SINHCAF: variants seen among roughly 807,000 people sequenced by gnomAD.
The protein encoded by SINHCAF is SIN3-HDAC complex-associated factor.
Under a neutral mutation model 25.8 loss-of-function variants are expected in SINHCAF, and 3 were observed. The ratio of observed to expected loss-of-function variants is 0.12; its 90% CI spans 0.05 to 0.30. The LOEUF is 0.30. Ranked by LOEUF, SINHCAF falls within the 10% of genes least tolerant of loss-of-function variation. The pLI is 1.00. For synonymous variants in SINHCAF, 70 were observed against 85.5 expected, an observed-to-expected ratio of 0.82 and a Z score of 1.00; for missense variants, 121 against 262.3, an observed-to-expected ratio of 0.46 and a Z score of 3.72.
At position 31,324,824 on chromosome 12, in the gene SINHCAF, A is replaced by G. The variant is rs1033993012; in HGVS notation, c.-21+1200T>C. 2.9e-5 allele frequency: 11 copies of G among 374,144 alleles called. No homozygotes were observed. Among genetic ancestry groups the G allele is most frequent in the African/African-American group, 2.3e-4 (11 of 47,282 alleles). 23.2% of individuals were successfully genotyped at this position (374,144 alleles called of 1,614,324 possible). On this transcript the variant is annotated intron_variant, in intron 1 of 5. Coordinates refer to ENST00000337682, the MANE Select transcript of SINHCAF (RefSeq NM_001135812.2). This position sits in a 1 kb window ranked among gnomAD's most constrained non-coding sequence, Gnocchi z 5.5. ...CCCTCGGGAGCAGGCCCATTTAATC[A>G]AAGTTTTGCAGTGTCCTTGATGAGA...
chr12:31,280,594 T>C lies in SINHCAF; in HGVS notation c.*2118A>G, dbSNP rs1253905649. On this transcript the variant is annotated 3_prime_UTR_variant, in exon 6 of 6. Coordinates refer to ENST00000337682, the MANE Select transcript of SINHCAF (RefSeq NM_001135812.2). ...CCACAAAACAGCTCCTTTTATTTTC[T>C]AGTAAGACTAGATTTATTCAATACC... is the stretch of plus-strand genomic sequence containing the variant. 1.3e-5 allele frequency: 2 copies of C among 152,624 alleles called. No individual in the cohort carries two copies. The highest frequency in any genetic ancestry group is 1.5e-5 in the Non-Finnish European group (1 of 68,026). The allele number at this position is 152,624 out of a possible 1,614,324, so 9.5% of individuals were successfully genotyped here.
At chr12:31,319,318 G>A (rs989007477) in intron 1 of SINHCAF, among the ~76,000 whole-genome samples, 1 of 152,164 alleles carries the variant, frequency 6.6e-6, no homozygotes, top group East Asian at 1.9e-4. Context: ...CACCTGGTCA[G>A]GAGTTCGAGA....
rs1189395218 is a variant in SINHCAF, at chr12:31,282,345, A to G, written c.*367T>C. On this transcript the variant is annotated 3_prime_UTR_variant, in exon 6 of 6. Coordinates refer to ENST00000337682, the MANE Select transcript of SINHCAF (RefSeq NM_001135812.2). ...GAGTTTGTGGGAGTGGGGGAAATCA[A>G]CCCATTCAAAACTACTCTAGAAATT... The G allele has an allele frequency of 3.1e-5, 5 of 161,350 alleles. No homozygotes were observed. Among genetic ancestry groups the G allele is most frequent in the African/African-American group, 1.2e-4 (5 of 41,840 alleles). 10.0% of individuals were successfully genotyped at this position (161,350 alleles called of 1,614,324 possible).
At chr12:31,296,419 G>T (rs1379393618) in intron 2 of SINHCAF, among the ~76,000 whole-genome samples, 3 of 152,040 alleles carry the variant, frequency 2.0e-5, no homozygotes, top group African/African-American at 7.2e-5. Context: ...GTCCGCCTTG[G>T]CCTCCCAAAG....
At chr12:31,292,868 G>T (rs1026201027) in intron 4 of SINHCAF, among the ~76,000 whole-genome samples, 1 of 152,108 alleles carries the variant, frequency 6.6e-6, no homozygotes, top group African/African-American at 2.4e-5. Flanking sequence ...ACCATGTCTT[G>T]ATTGATAATG....
chr12:31,282,907 A>G, intron 5 of SINHCAF, 36 bp from the exon 6 acceptor site: 3 of 1,496,584 alleles, frequency 2.0e-6, no homozygotes, highest in Non-Finnish European at 9.0e-7. Context: ...TACATTAATA[A>G]GGAAGAAAAA....
intron 4 of SINHCAF, among the ~76,000 whole-genome samples, chr12:31,291,053 G>C (rs962304325): frequency 2.6e-5 from 4 of 152,086 alleles, no homozygotes; most frequent in Admixed American, 2.0e-4. Context: ...AATTACGTAG[G>C]ATTTAGAAGG....
intron 5 of SINHCAF, among the ~76,000 whole-genome samples, chr12:31,283,340 C>T: frequency 6.6e-6 from 1 of 152,034 alleles, no homozygotes; most frequent in Admixed American, 6.6e-5. Flanking sequence ...TGGTGGCTTA[C>T]ACCTGTAATC....
chr12:31,290,992 T>C (rs964145921), intron 4 of SINHCAF, among the ~76,000 whole-genome samples: 1 of 152,228 alleles, frequency 6.6e-6, no homozygotes, highest in Non-Finnish European at 1.5e-5. Context: ...GTGCTGGGAT[T>C]AGAGGTGTAA....
intron 5 of SINHCAF, among the ~76,000 whole-genome samples, chr12:31,283,676 A>T (rs957520400): frequency 3.3e-5 from 5 of 152,104 alleles, no homozygotes; most frequent in Non-Finnish European, 7.4e-5. Context: ...CCTACAGACC[A>T]CATACTCTAA....
intron 1 of SINHCAF, among the ~76,000 whole-genome samples, chr12:31,315,068 C>T (rs1056407589): frequency 7.9e-5 from 12 of 152,150 alleles, no homozygotes; most frequent in African/African-American, 2.4e-4. Context: ...CTTGAGGATG[C>T]GCACCCAGGA....
intron 1 of SINHCAF, among the ~76,000 whole-genome samples, chr12:31,318,744 G>T (rs1249681172): frequency 6.6e-6 from 1 of 151,538 alleles, no homozygotes; most frequent in Non-Finnish European, 1.5e-5. Flanking sequence ...GTGTCAGAAA[G>T]AATATTTATT....
chr12:31,309,410 G>A (rs186109376), intron 1 of SINHCAF, among the ~76,000 whole-genome samples: 17 of 152,236 alleles, frequency 1.1e-4, no homozygotes, highest in Middle Eastern at 3.4e-3. Context: ...ATTATTTTAC[G>A]TTAAGCAAGG....
At chr12:31,315,857 C>T (rs1939475130) in intron 1 of SINHCAF, among the ~76,000 whole-genome samples, 1 of 152,180 alleles carries the variant, frequency 6.6e-6, no homozygotes, top group Non-Finnish European at 1.5e-5. Context: ...TGTTTTAATA[C>T]TGTAACAGTT....
chr12:31,294,458 C>A (rs757066280), intron 3 of SINHCAF, among the ~76,000 whole-genome samples: 8 of 152,038 alleles, frequency 5.3e-5, no homozygotes, highest in Non-Finnish European at 1.2e-4. Flanking sequence ...GGTCTTCAGG[C>A]CTATTCTTTA....
chr12:31,301,028 C>G (rs1297755304), intron 1 of SINHCAF, among the ~76,000 whole-genome samples: 1 of 152,166 alleles, frequency 6.6e-6, no homozygotes, highest in African/African-American at 2.4e-5. Context: ...ATAAACAAGT[C>G]CTCAAAGCTA....
At chr12:31,306,043 C>T (rs886513545) in intron 1 of SINHCAF, among the ~76,000 whole-genome samples, 2 of 152,208 alleles carry the variant, frequency 1.3e-5, no homozygotes, top group Non-Finnish European at 2.9e-5. Flanking sequence ...AAAATAAGTT[C>T]CCCTATTGCT....
chr12:31,302,867 G>C, intron 1 of SINHCAF: 1 of 904,258 alleles, frequency 1.1e-6, no homozygotes. Flanking sequence ...GTACCTGTTA[G>C]TAAAATATTT....
rs1344837125 is a variant in SINHCAF at position 31,325,110 on chromosome 12, C to T, written c.-21+914G>A. The T allele has an allele frequency of 4.4e-6, 2 of 456,728 alleles. No individual in the cohort carries two copies. The highest frequency in any genetic ancestry group is 1.5e-5 in the South Asian group (1 of 64,566). 28.3% of individuals were successfully genotyped at this position (456,728 alleles called of 1,614,324 possible). On this transcript the variant is annotated intron_variant, in intron 1 of 5. Coordinates refer to ENST00000337682, the MANE Select transcript of SINHCAF (RefSeq NM_001135812.2). This position sits in a 1 kb window ranked among gnomAD's most constrained non-coding sequence, Gnocchi z 5.9. ...CTGACTCCCGCGGCGTACACAACGC[C>T]GCCGCCTCCATCTCCAGCCAAGTTG... is the stretch of plus-strand genomic sequence containing the variant.
Sources: gnomAD v4.1 joint callset for allele counts (sites outside exome capture counted in the v4.1 genomes callset) on GRCh38, gnomAD v4.1.1 for gene constraint, Gnocchi (gnomAD v3.1) non-coding constraint, MANE v1.5 for transcripts, NCBI Gene and HGNC (gene_info 2026-07-23, HGNC 2026-07-21) for gene names.